Variants in PRTG observed in about 807,000 individuals in gnomAD.
PRTG encodes the protein immunoglobulin superfamily, DCC subclass, member 5.
In PRTG, 67 loss-of-function variants were observed where a neutral mutation model predicts 122.5. That is an observed-to-expected ratio of 0.55 (90% CI 0.45 to 0.67). The LOEUF is 0.67. Ranked by LOEUF, PRTG falls within the 30% of genes least tolerant of loss-of-function variation. The pLI, the probability that PRTG is intolerant of heterozygous loss-of-function variation, is 0.00. For synonymous variants in PRTG, 554 were observed against 501.1 expected, an observed-to-expected ratio of 1.11 and a Z score of -1.41; for missense variants, 1,435 against 1,415.4, an observed-to-expected ratio of 1.01 and a Z score of -0.22.
At chr15:55,634,858 G>A (rs563695087) in intron 15 of PRTG, among the ~76,000 whole-genome samples, 1 of 151,992 alleles carries the variant, frequency 6.6e-6, no homozygotes, top group East Asian at 1.9e-4. Flanking sequence ...AAAGAATACT[G>A]TGGTAGACTG....
intron 2 of PRTG, among the ~76,000 whole-genome samples, chr15:55,688,891 G>C (rs1043171210): frequency 3.3e-5 from 5 of 152,060 alleles, no homozygotes; most frequent in African/African-American, 1.2e-4. Context: ...AAAATGAAGT[G>C]ATCTTCTTTC....
At chr15:55,706,241 G>T (rs1478225836) in intron 2 of PRTG, among the ~76,000 whole-genome samples, 1 of 151,748 alleles carries the variant, frequency 6.6e-6, no homozygotes. Flanking sequence ...AGAACCCACA[G>T]GATGCTACAA....
At chr15:55,716,751 C>T (rs1333980230) in intron 2 of PRTG, among the ~76,000 whole-genome samples, 5 of 152,042 alleles carry the variant, frequency 3.3e-5, no homozygotes, top group Admixed American at 3.3e-4. Context: ...ATCTTAACAC[C>T]ACTGCTGCTA....
At chr15:55,635,561 A>G (rs1483427501) in intron 15 of PRTG, among the ~76,000 whole-genome samples, 1 of 152,252 alleles carries the variant, frequency 6.6e-6, no homozygotes, top group Non-Finnish European at 1.5e-5. Context: ...GTTAGGCAGC[A>G]ATAGATAACC....
intron 2 of PRTG, among the ~76,000 whole-genome samples, chr15:55,698,279 TTCCTTGAATGAC>T (rs1188813485): frequency 6.6e-6 from 1 of 152,132 alleles, no homozygotes; most frequent in Non-Finnish European, 1.5e-5. Flanking sequence ...CACTTTAGTT[TTCCTTGAATGAC>T]TCCACCCACT....
chr15:55,636,972 C>G (rs764258702), intron 15 of PRTG, among the ~76,000 whole-genome samples, 198 bp downstream of exon 15: 2 of 152,146 alleles, frequency 1.3e-5, no homozygotes, highest in Non-Finnish European at 2.9e-5. Flanking sequence ...ACAAAAGTAA[C>G]AGTAACCTTT....
Position 55,627,021 on chromosome 15 carries a change from G to A in PRTG, c.2914C>T (p.Arg972Ter), listed in dbSNP as rs1166627337. The change falls in exon 17 of 20, where the codon CGA (arginine) becomes TGA (stop). Residue 972 changes from arginine to a stop codon, truncating the protein, a stop_gained. Transcript: ENST00000389286. LOFTEE classifies it high-confidence loss of function. Reference sequence around the variant, plus strand: ...ATGGAAACACACCTGGCTTTACTTCGGTATATCAAGATGAGAACACAGATG... The same window carrying A: ...ATGGAAACACACCTGGCTTTACTTCAGTATATCAAGATGAGAACACAGATG... ...ILICVLILIY[R>*]SKARKSSASK... The A allele has an allele frequency of 2.5e-6, 4 of 1,606,460 alleles. No individual in the cohort carries two copies. The highest frequency in any genetic ancestry group is 3.4e-6 in the Non-Finnish European group (4 of 1,177,122).
intron 11 of PRTG, among the ~76,000 whole-genome samples, chr15:55,650,847 G>T (rs1488081265): frequency 6.6e-6 from 1 of 152,070 alleles, no homozygotes; most frequent in Non-Finnish European, 1.5e-5. Context: ...CATTCCTATA[G>T]TCCCAGCTAC....
At chr15:55,742,744 G>A in intron 1 of PRTG, 94 bp downstream of exon 1, 3 of 1,448,190 alleles carry the variant, frequency 2.1e-6, no homozygotes, top group Admixed American at 4.1e-5. Context: ...CCCGCCGCGC[G>A]CTCCCCACGC....
At chr15:55,667,526 C>A (rs2059445569) in intron 11 of PRTG, among the ~76,000 whole-genome samples, 1 of 151,642 alleles carries the variant, frequency 6.6e-6, no homozygotes, top group African/African-American at 2.4e-5. Flanking sequence ...GCTCTATTGG[C>A]AAATTAAGAA....
Position 55,673,380 on chromosome 15 carries a change from T to A in PRTG, c.1843A>T (p.Ser615Cys), listed in dbSNP as rs1452563629. 1 of 1,611,632 alleles carries A rather than the reference T, an allele frequency of 6.2e-7. No homozygotes were observed. Among genetic ancestry groups the A allele is most frequent in the East Asian group, 2.2e-5 (1 of 44,824 alleles). The change falls in exon 10 of 20, where the codon AGC (serine) becomes TGC (cysteine). Residue 615 changes from serine (S) to cysteine (C), a missense_variant. By Grantham distance (112) the Ser-to-Cys change is moderately radical. Coordinates refer to ENST00000389286, the MANE Select transcript of PRTG (RefSeq NM_173814.6). Reference sequence around the variant, plus strand: ...GTCTTCAGAAATTCACCTTTCACGCTTGTAGCTTTGGGCGTCCTATGTGAA... The same window carrying A: ...GTCTTCAGAAATTCACCTTTCACGCATGTAGCTTTGGGCGTCCTATGTGAA... ...WTSHRTPKAT[S>C]VKAPKSPELH...
intron 8 of PRTG, among the ~76,000 whole-genome samples, chr15:55,676,931 T>C (rs994865885): frequency 6.6e-6 from 1 of 152,172 alleles, no homozygotes; most frequent in Non-Finnish European, 1.5e-5. Flanking sequence ...AAAAAACAAA[T>C]AGCAGCAGCA....
intron 2 of PRTG, among the ~76,000 whole-genome samples, chr15:55,719,690 T>C (rs1296586897): frequency 2.0e-5 from 3 of 152,196 alleles, no homozygotes; most frequent in African/African-American, 4.8e-5. Flanking sequence ...AGTTTAAAAA[T>C]TAGAAATATT....
At chr15:55,696,463 T>C (rs1288142845) in intron 2 of PRTG, among the ~76,000 whole-genome samples, 1 of 152,222 alleles carries the variant, frequency 6.6e-6, no homozygotes, top group Non-Finnish European at 1.5e-5. Context: ...TGATTCACTC[T>C]GAGGCTTCCT....
chr15:55,742,941 CCG>C lies in PRTG; in HGVS notation c.-12_-11del. 6 of 1,511,972 alleles carry C rather than the reference CCG, an allele frequency of 4.0e-6. No homozygotes were observed. Among genetic ancestry groups the C allele is most frequent in the Non-Finnish European group, 5.3e-6 (6 of 1,129,908 alleles). The allele number at this position is 1,511,972 out of a possible 1,614,324, so 93.7% of individuals were successfully genotyped here. ...GCAGAGGAGGCGCCATTCAGCGTAG[CCG>C]CGCGGGCATGCTCCCCGGCCGCCCA... is the stretch of plus-strand genomic sequence containing the variant. On this transcript the variant is annotated 5_prime_UTR_variant, in exon 1 of 20. The change abolishes the stop of an existing upstream ORF in the 5' untranslated region. Transcript: ENST00000389286.
At chr15:55,682,041 T>C (rs2059541417) in intron 4 of PRTG, among the ~76,000 whole-genome samples, 1 of 152,078 alleles carries the variant, frequency 6.6e-6, no homozygotes, top group Non-Finnish European at 1.5e-5. Context: ...TACAGGAGAG[T>C]GTGCATAGGT....
intron 11 of PRTG, among the ~76,000 whole-genome samples, chr15:55,665,650 A>G (rs2059435656): frequency 6.6e-6 from 1 of 151,652 alleles, no homozygotes; most frequent in African/African-American, 2.4e-5. Flanking sequence ...GGTTGAAGCA[A>G]TTCTCCTGCT....
rs766970226 is a variant in PRTG, at chr15:55,620,261, T to C, written c.3204A>G (p.Gln1068=). Residue 1068 remains glutamine, a synonymous_variant, in exon 20 of 20, where the codon CAA becomes CAG. Transcript: ENST00000389286. ...AGCAGACCGCTGGAGTAAATCTTCTTTGAGGCTAGGCAAAAAAAGATAAGA... is the reference window on the plus strand; with the variant it reads ...AGCAGACCGCTGGAGTAAATCTTCTCTGAGGCTAGGCAAAAAAAGATAAGA... ...DSKKIQVEQP[Q]RRFTPAVCFY... is the part of the protein sequence containing the mutation. 6.2e-7 allele frequency: 1 copy of C among 1,613,636 alleles called. No homozygotes were observed. Among genetic ancestry groups the C allele is most frequent in the South Asian group, 1.1e-5 (1 of 91,018 alleles).
intron 2 of PRTG, among the ~76,000 whole-genome samples, chr15:55,730,433 T>C (rs2031190334): frequency 6.6e-6 from 1 of 151,962 alleles, no homozygotes. Flanking sequence ...CTGGATTTGA[T>C]TATATATATT....
Sources: allele counts gnomAD v4.1 joint callset (sites outside exome capture counted in the v4.1 genomes callset), GRCh38; gene constraint gnomAD v4.1.1; transcripts MANE v1.5; gene names NCBI Gene and HGNC (gene_info 2026-07-23, HGNC 2026-07-21).